Variants in PKD1L1 observed in about 807,000 individuals in gnomAD.
PKD1L1 encodes polycystin 1 like 1, transient receptor potential channel interacting, also known as polycystin-1-like protein 1.
PKD1L1 carries 236 observed loss-of-function variants against 323.4 expected under a neutral mutation model. The ratio of observed to expected loss-of-function variants is 0.73; its 90% CI spans 0.66 to 0.81. The LOEUF is 0.81. PKD1L1 is among the 40% of genes least tolerant of loss of function. The probability of loss-of-function intolerance (pLI) is 0.00; values close to 1 mark genes in which losing one functional copy is unlikely to be tolerated. For missense variants in PKD1L1, 3,320 were observed against 3,508.0 expected (o/e 0.95, Z 1.35); for synonymous variants, 1,344 against 1,335.0 (o/e 1.01, Z -0.15).
chr7:47,808,392 A>G lies in PKD1L1; in HGVS notation c.7687-5T>C. 1.2e-6 allele frequency: 2 copies of G among 1,613,940 alleles called. No individual in the cohort carries two copies. On this transcript the variant is annotated splice_region_variant and splice_polypyrimidine_tract_variant and intron_variant, in intron 51 of 56. Coordinates refer to ENST00000289672, the MANE Select transcript of PKD1L1 (RefSeq NM_138295.5). ...GCTCACTCCAACCACGGAGAGCTGG[A>G]ACATCCAAGAGAAAGGCCCTCAGAT...
chr7:47,893,643 T>C (rs191787378), intron 15 of PKD1L1, among the ~76,000 whole-genome samples: 19 of 152,308 alleles, frequency 1.2e-4, no homozygotes, highest in Admixed American at 7.8e-4. Context: ...CACTCAAGCC[T>C]CATGTTCCAA....
chr7:47,929,592 C>G, intron 6 of PKD1L1, 66 bp from the exon 7 acceptor site: 1 of 1,438,490 alleles, frequency 7.0e-7, no homozygotes. Flanking sequence ...AGGGCAGAAG[C>G]CAAGCAGCCT....
rs547834315 is a variant in PKD1L1, at chr7:47,867,299, G to A, written c.3897-685C>T. On this transcript the variant is annotated intron_variant, in intron 24 of 56. Coordinates refer to ENST00000289672, the MANE Select transcript of PKD1L1 (RefSeq NM_138295.5). ...CCTTGACCAATAAGTGATTTATGGA[G>A]ACTAAGACCCTAGGAAGCCAAGTTA... Among the ~76,000 whole-genome samples, 3 of 152,286 alleles carry A rather than the reference G, an allele frequency of 2.0e-5. No individual in the cohort carries two copies. The South Asian group carries it at 6.2e-4, about 32-fold the overall frequency.
Position 47,893,954 on chromosome 7 carries a change from A to G in PKD1L1, c.2377T>C (p.Ser793Pro), listed in dbSNP as rs1786880539. 1.2e-6 allele frequency: 2 copies of G among 1,613,876 alleles called. No homozygotes were observed. Among genetic ancestry groups the G allele is most frequent in the Non-Finnish European group, 1.7e-6 (2 of 1,180,002 alleles). The part of the protein sequence containing the change: ...VISEGTHLFF[S>P]RTTSSPIVLR... Reference sequence around the variant, plus strand: ...ACAATGGGGGATGAGGTGGTCCTGGAGAAGAATAGGTGTGTGCCCTCGGAG... The same window carrying G: ...ACAATGGGGGATGAGGTGGTCCTGGGGAAGAATAGGTGTGTGCCCTCGGAG... Residue 793 changes from serine (S) to proline (P), a missense_variant, in exon 15 of 57, where the codon TCC becomes CCC. Transcript: ENST00000289672.
rs532850511 is a variant in PKD1L1 at position 47,864,972 on chromosome 7, C to T, written c.4149+244G>A. On this transcript the variant is annotated intron_variant, in intron 26 of 56. Coordinates refer to ENST00000289672, the MANE Select transcript of PKD1L1 (RefSeq NM_138295.5). Reference sequence around the variant, plus strand: ...CGAACTCCTGACTTCGGGATCCGCCCGCCTCGGCCTCCCAAAGTGCTGAGA... The same window carrying T: ...CGAACTCCTGACTTCGGGATCCGCCTGCCTCGGCCTCCCAAAGTGCTGAGA... Among the ~76,000 whole-genome samples the T allele has an allele frequency of 6.6e-5, 10 of 152,142 alleles. No homozygotes were observed. The East Asian group carries it at 1.5e-3, about 24-fold the overall frequency.
At chr7:47,914,256 T>G (rs1158844765) in intron 8 of PKD1L1, among the ~76,000 whole-genome samples, 1 of 152,212 alleles carries the variant, frequency 6.6e-6, no homozygotes, top group Non-Finnish European at 1.5e-5. Context: ...TATTTTAAAA[T>G]GCACACAGAG....
chr7:47,833,190 A>G lies in PKD1L1; in HGVS notation c.6237T>C (p.Asn2079=). 1 of 1,612,876 alleles carries G rather than the reference A, an allele frequency of 6.2e-7. No individual in the cohort carries two copies. The highest frequency in any genetic ancestry group is 8.5e-7 in the Non-Finnish European group (1 of 1,179,562). ...GRAQRKAASD[N]GTACPAPKLQ... The stretch of plus-strand genomic sequence containing the variant: ...GCTTAGGGGCTGGACAAGCTGTGCC[A>G]TTGTCACTTGCCGCCTTCCTTTGGG... Residue 2079 remains asparagine (N), a synonymous_variant, in exon 41 of 57, where the codon AAT becomes AAC. Transcript: ENST00000289672.
rs1453991874 is a variant in PKD1L1 at position 47,803,457 on chromosome 7, T to C, written c.7828-113A>G. On this transcript the variant is annotated intron_variant, in intron 52 of 56. Transcript: ENST00000289672. Reference sequence around the variant, plus strand: ...GTTCATTGGATTTGATGATGTTATATAGACCCATGAGTCTCCGAGGGACAT... The same window carrying C: ...GTTCATTGGATTTGATGATGTTATACAGACCCATGAGTCTCCGAGGGACAT... 5 of 1,266,384 alleles carry C rather than the reference T, an allele frequency of 3.9e-6. No individual in the cohort carries two copies. In the Admixed American group the frequency reaches 8.4e-5, roughly 21 times the overall value. The allele number at this position is 1,266,384 out of a possible 1,614,324, so 78.4% of individuals were successfully genotyped here.
intron 26 of PKD1L1, 149 bp from the exon 27 acceptor site, chr7:47,859,034 A>T (rs1785967451): frequency 9.8e-7 from 1 of 1,022,774 alleles, no homozygotes; most frequent in African/African-American, 1.6e-5. Flanking sequence ...TGATGCATAT[A>T]TTCTTGCCTT....
intron 1 of PKD1L1, among the ~76,000 whole-genome samples, chr7:47,947,739 G>A (rs1393597462): frequency 1.3e-5 from 2 of 152,172 alleles, no homozygotes; most frequent in Non-Finnish European, 2.9e-5. Flanking sequence ...AGGCCAAGGC[G>A]GGCAGATCAC....
rs114746242 is a variant in PKD1L1 at position 47,931,861 on chromosome 7, G to T, written c.519+75C>A. Reference sequence around the variant, plus strand: ...ACTCTGAGGCCGCCTACATACGGGTGAGTCTCCCCCATATGCATCAGATGC... The same window carrying T: ...ACTCTGAGGCCGCCTACATACGGGTTAGTCTCCCCCATATGCATCAGATGC... On this transcript the variant is annotated intron_variant, in intron 5 of 56. Transcript: ENST00000289672. 5.8e-4 allele frequency: 879 copies of T among 1,517,958 alleles called. 6 individuals carry two copies. In the African/African-American group the frequency reaches 0.011, roughly 18 times the overall value. 94.0% of individuals were successfully genotyped at this position (1,517,958 alleles called of 1,614,324 possible).
intron 45 of PKD1L1, among the ~76,000 whole-genome samples, chr7:47,826,059 C>G (rs1785235243): frequency 6.6e-6 from 1 of 152,126 alleles, no homozygotes; most frequent in African/African-American, 2.4e-5. Flanking sequence ...ACCTCCAGAC[C>G]TTGCACTCAC....
At chr7:47,819,652 A>C (rs1384550981) in intron 46 of PKD1L1, 2 of 1,159,162 alleles carry the variant, frequency 1.7e-6, no homozygotes, top group Non-Finnish European at 2.3e-6. Flanking sequence ...AGAAAAAAAA[A>C]AACAAAACAA....
chr7:47,814,560 A>C (rs934039417), intron 47 of PKD1L1, among the ~76,000 whole-genome samples: 3 of 152,144 alleles, frequency 2.0e-5, no homozygotes, highest in Non-Finnish European at 2.9e-5. Context: ...TTGTATTTTT[A>C]GTCTGGAGTG....
chr7:47,931,092 C>T lies in PKD1L1; in HGVS notation c.737+12G>A, dbSNP rs200416499. The T allele has an allele frequency of 1.2e-6, 2 of 1,611,792 alleles. No individual in the cohort carries two copies. The highest frequency in any genetic ancestry group is 2.7e-5 in the African/African-American group (2 of 74,884). On this transcript the variant is annotated intron_variant, in intron 6 of 56. Transcript: ENST00000289672. ...AGAAGTGGTGCTGGCCTCCATACCT[C>T]CTTCACCGTACCTTCTGGGAGAAGT...
chr7:47,904,672 T>C, intron 11 of PKD1L1, 55 bp from the exon 12 acceptor site: 6 of 1,572,346 alleles, frequency 3.8e-6, no homozygotes, highest in Non-Finnish European at 5.2e-6. Context: ...AAGAACAGGG[T>C]CAGGTCTAGA....
chr7:47,846,854 G>T (rs1299249641), intron 32 of PKD1L1, 25 bp downstream of exon 32: 1 of 1,580,520 alleles, frequency 6.3e-7, no homozygotes, highest in East Asian at 2.2e-5. Context: ...AAAAATCTCA[G>T]ATTCTTTCTC....
Position 47,831,102 on chromosome 7 carries a change from A to G in PKD1L1, c.6473+115T>C, listed in dbSNP as rs901039537. 24 of 1,305,378 alleles carry G rather than the reference A, an allele frequency of 1.8e-5. No individual in the cohort carries two copies. In the African/African-American group the frequency reaches 3.3e-4, roughly 18 times the overall value. 80.9% of individuals were successfully genotyped at this position (1,305,378 alleles called of 1,614,324 possible). On this transcript the variant is annotated intron_variant, in intron 42 of 56. Transcript: ENST00000289672. ...GGGAGAAATGAGGGAGAAAATAGCA[A>G]TAGTGACATCTGGAGCCTGCATCTG...
chr7:47,911,114 C>A (rs1428107889), intron 8 of PKD1L1, among the ~76,000 whole-genome samples: 2 of 152,122 alleles, frequency 1.3e-5, no homozygotes, highest in African/African-American at 2.4e-5. Context: ...CGGGAGGTGA[C>A]TGGATGATGG....
Sources: gnomAD v4.1 joint callset for allele counts (sites outside exome capture counted in the v4.1 genomes callset) on GRCh38, gnomAD v4.1.1 for gene constraint, MANE v1.5 for transcripts, NCBI Gene and HGNC (gene_info 2026-07-23, HGNC 2026-07-21) for gene names.